Variants in INPP4B observed in about 807,000 individuals in gnomAD.
INPP4B encodes the protein inositol polyphosphate 4-phosphatase type II.
A neutral mutation model predicts 122.5 loss-of-function variants in INPP4B; 55 were observed. The observed-to-expected ratio is 0.45, with a 90% confidence interval of 0.36 to 0.56. The LOEUF (loss-of-function observed/expected upper bound fraction) is 0.56. Ranked by LOEUF, INPP4B falls within the 20% of genes least tolerant of loss-of-function variation. INPP4B has a pLI of 0.00. For synonymous variants in INPP4B, 403 were observed against 388.7 expected (o/e 1.04, Z -0.43); for missense variants, 1,000 against 1,097.7 (o/e 0.91, Z 1.26).
intron 25 of INPP4B, among the ~76,000 whole-genome samples, chr4:142,053,406 A>C (rs533251084): frequency 3.9e-4 from 60 of 152,222 alleles, no homozygotes; most frequent in Middle Eastern, 3.4e-3. Context: ...TCTACCAAAA[A>C]CATTAAGTGG....
At chr4:142,123,716 C>G (rs1031699779) in intron 19 of INPP4B, among the ~76,000 whole-genome samples, 15 of 152,080 alleles carry the variant, frequency 9.9e-5, no homozygotes, top group African/African-American at 3.6e-4. Flanking sequence ...CACTTAAGCA[C>G]TTCCAAATCT....
intron 8 of INPP4B, among the ~76,000 whole-genome samples, chr4:142,310,591 C>T (rs1872295): frequency 0.31 from 46,330 of 151,608 alleles, 8,326 homozygotes; most frequent in African/African-American, 0.51. Flanking sequence ...TAAAAGGTCT[C>T]TGAAAAGTTG....
intron 2 of INPP4B, among the ~76,000 whole-genome samples, chr4:142,576,015 C>T (rs562225994): frequency 7.9e-5 from 12 of 152,136 alleles, no homozygotes; most frequent in Non-Finnish European, 1.5e-4. Context: ...GTAGAGTCCA[C>T]GTTCAAATGT....
At chr4:142,602,842 C>T (rs1740340605) in intron 2 of INPP4B, among the ~76,000 whole-genome samples, 1 of 152,138 alleles carries the variant, frequency 6.6e-6, no homozygotes, top group Admixed American at 6.5e-5. Context: ...TCATTTGACC[C>T]AGCAATCCCA....
chr4:142,772,835 A>G, intron 1 of INPP4B, among the ~76,000 whole-genome samples: 1 of 152,020 alleles, frequency 6.6e-6, no homozygotes, highest in African/African-American at 2.4e-5. Context: ...GCCTGAGCTC[A>G]GGAGTTCAAG....
chr4:142,241,395 G>T (rs2150024944), intron 11 of INPP4B, among the ~76,000 whole-genome samples: 1 of 152,114 alleles, frequency 6.6e-6, no homozygotes, highest in Middle Eastern at 3.4e-3. Context: ...TTCCCCTTGA[G>T]GTCCACCCCT....
chr4:142,781,813 A>G (rs1362900079), intron 1 of INPP4B, among the ~76,000 whole-genome samples: 1 of 152,122 alleles, frequency 6.6e-6, no homozygotes, highest in Non-Finnish European at 1.5e-5. Context: ...AGCCCCATGG[A>G]AATGGACTTT....
intron 7 of INPP4B, among the ~76,000 whole-genome samples, chr4:142,399,699 G>C (rs1393044745): frequency 6.6e-6 from 1 of 152,134 alleles, no homozygotes; most frequent in Non-Finnish European, 1.5e-5. Flanking sequence ...TCATAGCCTA[G>C]CCATGGGCTT....
intron 5 of INPP4B, chr4:142,427,557 C>T: frequency 1.8e-6 from 1 of 568,138 alleles, no homozygotes. Flanking sequence ...GGTCTTTGAA[C>T]AAGATAGATT....
chr4:142,158,814 G>C (rs1384077898), intron 17 of INPP4B, among the ~76,000 whole-genome samples: 1 of 151,252 alleles, frequency 6.6e-6, no homozygotes, highest in Non-Finnish European at 1.5e-5. Context: ...GAGGGGGAAG[G>C]GTTTGTAAAA....
intron 2 of INPP4B, among the ~76,000 whole-genome samples, chr4:142,667,710 G>A (rs1756354016): frequency 6.6e-6 from 1 of 152,140 alleles, no homozygotes; most frequent in Non-Finnish European, 1.5e-5. Context: ...AAGACTATAA[G>A]GCTATTGAGA....
Position 142,436,236 on chromosome 4 carries a change from C to T in INPP4B, c.-126-4851G>A, listed in dbSNP as rs189174898. Among the ~76,000 whole-genome samples the T allele has an allele frequency of 4.1e-3, 622 of 152,270 alleles. 6 individuals carry two copies. Among genetic ancestry groups the T allele is most frequent in the African/African-American group, 0.014 (589 of 41,558 alleles). ...ACTCCAACAACTCCAGCCAGGTGCT[C>T]AGGGACAGAACTCTGATCTCCCTGG... On this transcript the variant is annotated intron_variant, in intron 3 of 25. Coordinates refer to ENST00000262992, the MANE Select transcript of INPP4B (RefSeq NM_001101669.3).
At chr4:142,483,460 T>G (rs4543213) in intron 2 of INPP4B, among the ~76,000 whole-genome samples, 2 of 152,068 alleles carry the variant, frequency 1.3e-5, no homozygotes, top group Admixed American at 6.6e-5. Flanking sequence ...AAAGGGGCAG[T>G]GATATCTGAT....
chr4:142,644,424 T>G (rs1209192327), intron 2 of INPP4B, among the ~76,000 whole-genome samples: 2 of 152,014 alleles, frequency 1.3e-5, no homozygotes, highest in Non-Finnish European at 2.9e-5. Flanking sequence ...AAAAGAGATA[T>G]GAAATTATAT....
intron 22 of INPP4B, 28 bp downstream of exon 22, chr4:142,112,514 C>T (rs759039318): frequency 5.6e-6 from 9 of 1,610,164 alleles, no homozygotes; most frequent in Non-Finnish European, 6.8e-6. Flanking sequence ...AGAAAAATCT[C>T]AAGTGCGACT....
chr4:142,514,565 C>T (rs1825165414), intron 2 of INPP4B: 1 of 152,008 alleles, frequency 6.6e-6, no homozygotes, highest in South Asian at 2.1e-4. Flanking sequence ...ATGCATTTAG[C>T]GCTGTAGTTA....
chr4:142,742,214 C>T lies in INPP4B; in HGVS notation c.-253-16313G>A, dbSNP rs369689192. 5.3e-5 allele frequency among the ~76,000 whole-genome samples: 8 copies of T among 152,034 alleles called. No homozygotes were observed. In the East Asian group the frequency reaches 1.2e-3, roughly 22 times the overall value. ...TTTCATACTCCCTCTAGGGACAGCC[C>T]ACAGCCAAAGCATGACTTATAAAAG... On this transcript the variant is annotated intron_variant, in intron 1 of 25. Transcript: ENST00000262992.
At chr4:142,689,756 T>G (rs915022779) in intron 2 of INPP4B, among the ~76,000 whole-genome samples, 1 of 152,182 alleles carries the variant, frequency 6.6e-6, no homozygotes. Flanking sequence ...ATCTCACAGT[T>G]TTTAGAGATA....
intron 2 of INPP4B, among the ~76,000 whole-genome samples, chr4:142,685,989 A>C (rs970517116): frequency 6.6e-6 from 1 of 152,058 alleles, no homozygotes; most frequent in Non-Finnish European, 1.5e-5. Context: ...TAGGTTAACA[A>C]AGCCCAGAAG....
Sources: allele counts gnomAD v4.1 joint callset (sites outside exome capture counted in the v4.1 genomes callset), GRCh38; gene constraint gnomAD v4.1.1; transcripts MANE v1.5; gene names NCBI Gene and HGNC (gene_info 2026-07-23, HGNC 2026-07-21).